The following MTHFD1L variants were observed in gnomAD, a reference collection of about 807,000 sequenced individuals.
The protein encoded by MTHFD1L is methylenetetrahydrofolate dehydrogenase (NADP+ dependent) 1 like.
MTHFD1L carries 81 observed loss-of-function variants against 119.5 expected under a neutral mutation model. The observed-to-expected ratio is 0.68, with a 90% CI of 0.57 to 0.82. The LOEUF (loss-of-function observed/expected upper bound fraction) is 0.82, where lower values mean the gene tolerates loss of function less well. MTHFD1L is among the 40% of genes least tolerant of loss of function. The pLI, the probability that MTHFD1L is intolerant of heterozygous loss-of-function variation, is 0.00. For synonymous variants in MTHFD1L, 430 were observed against 475.2 expected, an observed-to-expected ratio of 0.90 and a Z score of 1.24; for missense variants, 1,125 against 1,253.4, an observed-to-expected ratio of 0.90 and a Z score of 1.55.
At chr6:151,093,230 C>G (rs75778600) in intron 27 of MTHFD1L, among the ~76,000 whole-genome samples, 1 of 152,134 alleles carries the variant, frequency 6.6e-6, no homozygotes, top group African/African-American at 2.4e-5. Context: ...CTTGCAGCTG[C>G]GTCACTCCCG....
At chr6:150,900,513 G>A (rs969716159) in intron 7 of MTHFD1L, among the ~76,000 whole-genome samples, 1 of 152,076 alleles carries the variant, frequency 6.6e-6, no homozygotes, top group African/African-American at 2.4e-5. Context: ...GTCCCGACCC[G>A]CATCCGCATG....
chr6:150,893,476 AAG>A (rs1164441221), intron 7 of MTHFD1L, among the ~76,000 whole-genome samples: 1 of 152,104 alleles, frequency 6.6e-6, no homozygotes, highest in African/African-American at 2.4e-5. Context: ...TTAAGGAAAA[AAG>A]AGAATAAGCT....
intron 18 of MTHFD1L, among the ~76,000 whole-genome samples, chr6:150,961,713 G>A (rs1562460347): frequency 6.6e-6 from 1 of 151,406 alleles, no homozygotes; most frequent in African/African-American, 2.4e-5. Context: ...CATCTCAGAA[G>A]TCTTGTCAAG....
intron 24 of MTHFD1L, among the ~76,000 whole-genome samples, chr6:151,028,416 G>A (rs1047734112): frequency 6.6e-6 from 1 of 152,158 alleles, no homozygotes. Context: ...TGAAAGGTGG[G>A]AACCCCCTTG....
chr6:151,012,647 T>C (rs1782466661), intron 21 of MTHFD1L, among the ~76,000 whole-genome samples: 1 of 152,240 alleles, frequency 6.6e-6, no homozygotes, highest in South Asian at 2.1e-4. Context: ...ACAGATTCTT[T>C]CACAATTAGA....
chr6:151,078,267 A>G (rs1792781845), intron 26 of MTHFD1L, among the ~76,000 whole-genome samples: 1 of 152,044 alleles, frequency 6.6e-6, no homozygotes, highest in South Asian at 2.1e-4. Flanking sequence ...CAGAGACCCC[A>G]TGTCTACAAA....
intron 15 of MTHFD1L, among the ~76,000 whole-genome samples, 168 bp from the exon 16 acceptor site, chr6:150,948,863 A>G (rs765741770): frequency 9.2e-5 from 14 of 151,682 alleles, no homozygotes; most frequent in Non-Finnish European, 1.9e-4. Flanking sequence ...CTGGTCTCGA[A>G]CTCCTGACCT....
chr6:150,979,051 C>T (rs1448464430), intron 20 of MTHFD1L, among the ~76,000 whole-genome samples: 1 of 152,108 alleles, frequency 6.6e-6, no homozygotes, highest in Non-Finnish European at 1.5e-5. Flanking sequence ...ACTAGCCTGA[C>T]CAACATGGTG....
At chr6:151,094,294 G>A (rs902887399) in intron 27 of MTHFD1L, among the ~76,000 whole-genome samples, 4 of 152,094 alleles carry the variant, frequency 2.6e-5, no homozygotes, top group Non-Finnish European at 5.9e-5. Context: ...TCTGAGTTAC[G>A]GCTCCAAGCC....
chr6:150,953,634 G>A (rs1453136494), intron 16 of MTHFD1L, among the ~76,000 whole-genome samples: 1 of 152,036 alleles, frequency 6.6e-6, no homozygotes, highest in Non-Finnish European at 1.5e-5. Context: ...CATTTCTTAT[G>A]TATCACTGAT....
intron 4 of MTHFD1L, among the ~76,000 whole-genome samples, chr6:150,879,848 C>T (rs192985448): frequency 2.9e-4 from 44 of 151,052 alleles, no homozygotes; most frequent in African/African-American, 1.0e-3. Flanking sequence ...AGGCCGTTCT[C>T]GAACTCCTGA....
chr6:150,939,226 G>A (rs757739354), intron 13 of MTHFD1L: 5 of 159,614 alleles, frequency 3.1e-5, no homozygotes, highest in Admixed American at 1.2e-4. Context: ...GCTCTAGTGC[G>A]TGCCTCGGCA....
intron 20 of MTHFD1L, among the ~76,000 whole-genome samples, chr6:150,972,768 T>G (rs1226877322): frequency 1.3e-5 from 2 of 152,228 alleles, no homozygotes; most frequent in East Asian, 3.8e-4. Flanking sequence ...TTTATTTCCA[T>G]GTACAGTTTC....
intron 26 of MTHFD1L, among the ~76,000 whole-genome samples, chr6:151,091,203 G>GACTGGGTGCAGCATCGTTCCATGCA (rs1794402072): frequency 7.3e-6 from 1 of 136,480 alleles, no homozygotes; most frequent in African/African-American, 2.7e-5. Context: ...CGTTCCATGC[G>GACTGGGTGCAGCATCGTTCCATGCA]ACTGGGTGCA....
chr6:150,916,487 TTTTTTTTTTTTTG>T (rs1280389973), intron 8 of MTHFD1L, among the ~76,000 whole-genome samples: 18 of 56,930 alleles, frequency 3.2e-4, no homozygotes, highest in Non-Finnish European at 4.9e-4. Flanking sequence ...TTTTTTTTTT[TTTTTTTTTTTTTG>T]GTATTTTTAG....
intron 17 of MTHFD1L, among the ~76,000 whole-genome samples, chr6:150,958,148 G>T (rs1000617792): frequency 1.3e-5 from 2 of 152,088 alleles, no homozygotes; most frequent in African/African-American, 4.8e-5. Context: ...GTGTTGCTTC[G>T]TGCATAGATA....
At chr6:151,025,191 C>T (rs979664290) in intron 24 of MTHFD1L, among the ~76,000 whole-genome samples, 9 of 152,244 alleles carry the variant, frequency 5.9e-5, no homozygotes, top group African/African-American at 2.2e-4. Flanking sequence ...TACATGTAGG[C>T]GTCTTCAGAG....
chr6:151,004,372 T>C (rs945310063), intron 20 of MTHFD1L, among the ~76,000 whole-genome samples: 11 of 152,076 alleles, frequency 7.2e-5, no homozygotes, highest in African/African-American at 2.4e-4. Flanking sequence ...CAGCTTTCTT[T>C]AATGTGTGCA....
At chr6:151,007,720 G>A (rs1389010047) in intron 20 of MTHFD1L, among the ~76,000 whole-genome samples, 1 of 152,144 alleles carries the variant, frequency 6.6e-6, no homozygotes, top group Non-Finnish European at 1.5e-5. Flanking sequence ...TCCCTCTTTT[G>A]GGGTCCATGA....
Sources: allele counts gnomAD v4.1 joint callset (sites outside exome capture counted in the v4.1 genomes callset), GRCh38; gene constraint gnomAD v4.1.1; transcripts MANE v1.5; gene names NCBI Gene and HGNC (gene_info 2026-07-23, HGNC 2026-07-21).